ZNF699: variants seen among roughly 807,000 people sequenced by gnomAD.
ZNF699 encodes the protein zinc finger protein 699.
A neutral mutation model predicts 22.5 loss-of-function variants in ZNF699; 18 were observed. The ratio of observed to expected loss-of-function variants is 0.80; its 90% confidence interval spans 0.55 to 1.19. The LOEUF is 1.19. Ranked by LOEUF, ZNF699 falls within the 50% of genes most tolerant of loss-of-function variation. The pLI is 0.00. For synonymous variants in ZNF699, 241 were observed against 262.3 expected (o/e 0.92, Z 0.78); for missense variants, 670 against 763.4 (o/e 0.88, Z 1.44).
chr19:9,307,886 G>A (rs1334290250), intron 1 of ZNF699, among the ~76,000 whole-genome samples: 1 of 151,020 alleles, frequency 6.6e-6, no homozygotes, highest in East Asian at 1.9e-4. Flanking sequence ...GGCAGAGGTT[G>A]CAGTGAGCCA....
intron 3 of ZNF699, among the ~76,000 whole-genome samples, chr19:9,301,137 AAGAGAGAGAGAG>A (rs57187431): frequency 5.3e-4 from 77 of 144,576 alleles, no homozygotes; most frequent in Middle Eastern, 3.6e-3. Flanking sequence ...ACAAAAAAAA[AAGAGAGAGAGAG>A]AGAGAGAGAG....
rs1322195185 is a variant in ZNF699 at position 9,295,681 on chromosome 19, T to C, written c.1723A>G (p.Thr575Ala). The part of the protein sequence containing the change: ...GKAFRHSSYL[T>A]VHARMHTGEK... ...CCAGTGTGCATTCTTGCATGTACAG[T>C]AAGGTATGAAGAATGACGAAATGCT... Residue 575 changes from threonine (T) to alanine (A), a missense_variant, in exon 6 of 6, where the codon ACT becomes GCT. By Grantham distance (58) the Thr-to-Ala change is moderately conservative. Transcript: ENST00000591998. 1 of 1,614,086 alleles carries C rather than the reference T, an allele frequency of 6.2e-7. No homozygotes were observed. Among genetic ancestry groups the C allele is most frequent in the Non-Finnish European group, 8.5e-7 (1 of 1,180,008 alleles).
chr19:9,295,860 G>C lies in ZNF699; in HGVS notation c.1544C>G (p.Ser515Cys). The change falls in exon 6 of 6, where the codon TCC becomes TGC. Residue 515 changes from serine to cysteine, a missense_variant. Physicochemically the swap from Ser to Cys is moderately radical, Grantham distance 112. Coordinates refer to ENST00000591998, the MANE Select transcript of ZNF699 (RefSeq NM_198535.3). ...TCTGATATGTACTGTAAGGTGGGAG[G>C]AACTAATAAAGGCTTTCCCACATTC... ...CKECGKAFIS[S>C]SHLTVHIRTH... is the part of the protein sequence containing the mutation. The C allele has an allele frequency of 6.2e-7, 1 of 1,614,156 alleles. No homozygotes were observed. The highest frequency in any genetic ancestry group is 1.1e-5 in the South Asian group (1 of 91,080).
At chr19:9,307,554 A>G (rs1306716405) in intron 1 of ZNF699, among the ~76,000 whole-genome samples, 1 of 152,204 alleles carries the variant, frequency 6.6e-6, no homozygotes, top group African/African-American at 2.4e-5. Context: ...GGCAGGGTAG[A>G]AGCAGAAAAT....
intron 1 of ZNF699, among the ~76,000 whole-genome samples, chr19:9,309,021 T>G (rs933955026): frequency 1.3e-5 from 2 of 152,194 alleles, no homozygotes; most frequent in African/African-American, 4.8e-5. Flanking sequence ...TTTTTGTTTT[T>G]TTGAGACAGT....
At chr19:9,300,492 A>G (rs1434050333) in intron 3 of ZNF699, among the ~76,000 whole-genome samples, 1 of 152,202 alleles carries the variant, frequency 6.6e-6, no homozygotes, top group Non-Finnish European at 1.5e-5. Context: ...CCTGCACACC[A>G]ATGTTCATAG....
At chr19:9,306,676 T>C (rs1379548783) in intron 1 of ZNF699, among the ~76,000 whole-genome samples, 1 of 152,246 alleles carries the variant, frequency 6.6e-6, no homozygotes, top group Non-Finnish European at 1.5e-5. Flanking sequence ...AGTTTAGAAT[T>C]ATCTTAGAAT....
chr19:9,293,468 T>C lies in ZNF699; in HGVS notation c.*2007A>G, dbSNP rs2066273594. Among the ~76,000 whole-genome samples the C allele has an allele frequency of 6.6e-6, 1 of 152,196 alleles. No homozygotes were observed. The highest frequency in any genetic ancestry group is 1.5e-5 in the Non-Finnish European group (1 of 68,040). ...GCACATACCAAGATAAATAAGCCCA[T>C]ACATCTATCAAAAGAACAATTAAAA... On this transcript the variant is annotated 3_prime_UTR_variant, in exon 6 of 6. Transcript: ENST00000591998.
Position 9,293,279 on chromosome 19 carries a change from A to C in ZNF699, c.*2196T>G, listed in dbSNP as rs1175258919. Among the ~76,000 whole-genome samples, 5 of 152,086 alleles carry C rather than the reference A, an allele frequency of 3.3e-5. No homozygotes were observed. Among genetic ancestry groups the C allele is most frequent in the Admixed American group, 1.3e-4 (2 of 15,264 alleles). ...GTAAATGCACACTGTCTGCTGGATG[A>C]CTATAATCAGAAAGAGCTGGACAGG... On this transcript the variant is annotated 3_prime_UTR_variant, in exon 6 of 6. Coordinates refer to ENST00000591998, the MANE Select transcript of ZNF699 (RefSeq NM_198535.3).
In ZNF699 at chr19:9,296,438, G is replaced by A. The variant is rs202093535; in HGVS notation, c.966C>T (p.Leu322=). The A allele has an allele frequency of 6.2e-7, 1 of 1,610,794 alleles. No individual in the cohort carries two copies. Among genetic ancestry groups the A allele is most frequent in the Non-Finnish European group, 8.5e-7 (1 of 1,178,984 alleles). Residue 322 remains leucine, a synonymous_variant, in exon 6 of 6, where the codon CTC becomes CTT. Transcript: ENST00000591998. ...CGKAFSCSSS[L]SKHKRIHSGD... ...CACTGTGAATTCTTTTGTGTTTGGA[G>A]AGTGAGGAGGAACAACTGAAGGCCT... is the stretch of plus-strand genomic sequence containing the variant.
rs145853960 is a variant in ZNF699 at position 9,292,605 on chromosome 19, A to T, written c.*2870T>A. Among the ~76,000 whole-genome samples, 1 of 152,312 alleles carries T rather than the reference A, an allele frequency of 6.6e-6. No homozygotes were observed. Among genetic ancestry groups the T allele is most frequent in the East Asian group, 1.9e-4 (1 of 5,192 alleles). On this transcript the variant is annotated 3_prime_UTR_variant, in exon 6 of 6. Coordinates refer to ENST00000591998, the MANE Select transcript of ZNF699 (RefSeq NM_198535.3). ...AGCTCGTTATACCCAAGGACTTTTTAGTAATAAATTATTTAAACCAACAAA... is the reference window on the plus strand; with the variant it reads ...AGCTCGTTATACCCAAGGACTTTTTTGTAATAAATTATTTAAACCAACAAA...
chr19:9,300,310 G>C (rs1195837803), intron 3 of ZNF699, among the ~76,000 whole-genome samples: 2 of 152,116 alleles, frequency 1.3e-5, no homozygotes, highest in Middle Eastern at 6.3e-3. Context: ...TCGATCTCCT[G>C]ACCTCGTGAT....
chr19:9,298,035 T>C, intron 3 of ZNF699, 45 bp from the exon 4 acceptor site: 1 of 1,288,860 alleles, frequency 7.8e-7, no homozygotes, highest in Non-Finnish European at 1.1e-6. Context: ...TAATGAAGAA[T>C]CACTAACATT....
At position 9,297,587 on chromosome 19, in the gene ZNF699, A is replaced by T; in HGVS notation, c.287-108T>A. Reference sequence around the variant, plus strand: ...ACAAGGGTCAAAATGGTAAGCAATTAACTAAGAAATAATTTTATGAAGATT... The same window carrying T: ...ACAAGGGTCAAAATGGTAAGCAATTTACTAAGAAATAATTTTATGAAGATT... On this transcript the variant is annotated intron_variant, in intron 4 of 5. Transcript: ENST00000591998. This position sits in a 1 kb window ranked among gnomAD's most constrained non-coding sequence, Gnocchi z 4.3. 1 of 802,936 alleles carries T rather than the reference A, an allele frequency of 1.2e-6. No individual in the cohort carries two copies. The highest frequency in any genetic ancestry group is 1.9e-6 in the Non-Finnish European group (1 of 516,036). The allele number at this position is 802,936 out of a possible 1,614,324, so 49.7% of individuals were successfully genotyped here.
chr19:9,308,556 C>G (rs1418349626), intron 1 of ZNF699, among the ~76,000 whole-genome samples: 2 of 152,078 alleles, frequency 1.3e-5, no homozygotes, highest in Non-Finnish European at 2.9e-5. Context: ...GTAATTCCAG[C>G]ACTTTGGGAG....
Position 9,294,306 on chromosome 19 carries a change from C to G in ZNF699, c.*1169G>C, listed in dbSNP as rs759077636. 5 of 152,288 alleles carry G rather than the reference C, an allele frequency of 3.3e-5. No homozygotes were observed. Among genetic ancestry groups the G allele is most frequent in the Non-Finnish European group, 7.3e-5 (5 of 68,122 alleles). The allele number at this position is 152,288 out of a possible 1,614,324, so 9.4% of individuals were successfully genotyped here. The stretch of plus-strand genomic sequence containing the variant: ...TTTGTTTTTGAGAAAGGGTCTCACT[C>G]TATCACTCAGGCTGGAGTGCAGTGG... On this transcript the variant is annotated 3_prime_UTR_variant, in exon 6 of 6. Transcript: ENST00000591998.
At chr19:9,305,166 A>G (rs776168645) in intron 1 of ZNF699, 42 bp from the exon 2 acceptor site, 1 of 1,584,066 alleles carries the variant, frequency 6.3e-7, no homozygotes, top group South Asian at 1.1e-5. Context: ...TAGAATTAAA[A>G]AAGGTGACAT....
intron 2 of ZNF699, among the ~76,000 whole-genome samples, chr19:9,303,852 C>G (rs900871196): frequency 6.6e-6 from 1 of 150,804 alleles, no homozygotes; most frequent in Admixed American, 6.6e-5. Flanking sequence ...GGGTCTCGCT[C>G]TGTCGCCCAG....
In ZNF699 at chr19:9,305,084, T is replaced by C; in HGVS notation, c.36A>G (p.Lys12=). The change falls in exon 2 of 6, where the codon AAA becomes AAG. Residue 12 remains lysine (K), a synonymous_variant. Transcript: ENST00000591998. ...EEERKTAELQ[K]NRIQDSVVFE... is the part of the protein sequence containing the mutation. The stretch of plus-strand genomic sequence containing the variant: ...ACCTTTTACTTACCTGTATTCTATT[T>C]TTCTGTAACTCAGCAGTTTTTCTTT... The C allele has an allele frequency of 6.2e-7, 1 of 1,613,462 alleles. No homozygotes were observed. The highest frequency in any genetic ancestry group is 1.3e-5 in the African/African-American group (1 of 75,024).
Sources: gnomAD v4.1 joint callset for allele counts (sites outside exome capture counted in the v4.1 genomes callset) on GRCh38, gnomAD v4.1.1 for gene constraint, Gnocchi (gnomAD v3.1) non-coding constraint, MANE v1.5 for transcripts, NCBI Gene and HGNC (gene_info 2026-07-23, HGNC 2026-07-21) for gene names.